Variants in PEX3 observed in about 807,000 individuals in gnomAD.
The protein encoded by PEX3 is peroxisomal biogenesis factor 3, also known as peroxin-3.
In PEX3, 30 loss-of-function variants were observed where a neutral mutation model predicts 55.8. That is an observed-to-expected ratio of 0.54 (90% CI 0.40 to 0.73). PEX3 has a LOEUF of 0.73. Among genes scored for constraint, PEX3 ranks in the 30% least tolerant of loss-of-function variants. The pLI is 0.00. For missense variants in PEX3, 351 were observed against 432.8 expected (o/e 0.81, Z 1.68); for synonymous variants, 135 against 148.4 (o/e 0.91, Z 0.66).
rs1302223258 is a variant in PEX3, at chr6:143,454,444, C to T, written c.73+3329C>T. Among the ~76,000 whole-genome samples the T allele has an allele frequency of 6.6e-6, 1 of 152,180 alleles. No homozygotes were observed. The highest frequency in any genetic ancestry group is 1.5e-5 in the Non-Finnish European group (1 of 68,036). ...TATTGACTTACTGGTTTCTGAAAAC[C>T]TCAGAACATTGACTTGGATTTATAC... is the stretch of plus-strand genomic sequence containing the variant. On this transcript the variant is annotated intron_variant, in intron 1 of 11. Coordinates refer to ENST00000367591, the MANE Select transcript of PEX3 (RefSeq NM_003630.3). The surrounding 1 kb of genome is among the most constrained non-coding windows in gnomAD (Gnocchi z 4.3).
chr6:143,470,857 A>G (rs955389335), intron 4 of PEX3, 104 bp from the exon 5 acceptor site: 5 of 866,616 alleles, frequency 5.8e-6, no homozygotes, highest in Admixed American at 4.2e-5. Context: ...AGTTGTAAAT[A>G]TGTTTTTAAA....
In PEX3 at chr6:143,466,148, C is replaced by A. The variant is rs1388084624; in HGVS notation, c.288-1974C>A. On this transcript the variant is annotated intron_variant, in intron 3 of 11. Transcript: ENST00000367591. This position sits in a 1 kb window ranked among gnomAD's most constrained non-coding sequence, Gnocchi z 5.4. ...TTGGTTAGAAGAGAAAAGTGGCTAC[C>A]ATCTGTATACAATAGTCCCATCCAC... 6.6e-6 allele frequency among the ~76,000 whole-genome samples: 1 copy of A among 152,038 alleles called. No individual in the cohort carries two copies. Among genetic ancestry groups the A allele is most frequent in the Non-Finnish European group, 1.5e-5 (1 of 67,918 alleles).
chr6:143,487,446 T>A lies in PEX3; in HGVS notation c.1039-1697T>A, dbSNP rs1780336048. ...CTCAGATTTGTCCATACACCTCACA[T>A]ACATATGTACACACATATACCACAG... On this transcript the variant is annotated intron_variant, in intron 11 of 11. Coordinates refer to ENST00000367591, the MANE Select transcript of PEX3 (RefSeq NM_003630.3). This position sits in a 1 kb window ranked among gnomAD's most constrained non-coding sequence, Gnocchi z 5.3. 6.6e-6 allele frequency among the ~76,000 whole-genome samples: 1 copy of A among 152,118 alleles called. No individual in the cohort carries two copies. The highest frequency in any genetic ancestry group is 1.5e-5 in the Non-Finnish European group (1 of 67,992).
At chr6:143,457,141 A>G (rs1287038019) in intron 1 of PEX3, among the ~76,000 whole-genome samples, 1 of 152,232 alleles carries the variant, frequency 6.6e-6, no homozygotes, top group Non-Finnish European at 1.5e-5. Flanking sequence ...TTGAGAAATA[A>G]TCATTTTACA....
chr6:143,487,848 TTAAAG>T lies in PEX3; in HGVS notation c.1039-1291_1039-1287del, dbSNP rs1157753816. Among the ~76,000 whole-genome samples the T allele has an allele frequency of 3.9e-5, 6 of 152,152 alleles. No homozygotes were observed. Among genetic ancestry groups the T allele is most frequent in the East Asian group, 1.9e-4 (1 of 5,178 alleles). On this transcript the variant is annotated intron_variant, in intron 11 of 11. Transcript: ENST00000367591. The surrounding 1 kb of genome is among the most constrained non-coding windows in gnomAD (Gnocchi z 5.3). ...TTCTTCTCTCATTAGCACAAGACAG[TTAAAG>T]TAATGTTACTTAAAGCCAATAAGAA...
rs1399999191 is a variant in PEX3 at position 143,450,978 on chromosome 6, A to G, written c.-65A>G. The G allele has an allele frequency of 1.7e-6, 2 of 1,211,908 alleles. No homozygotes were observed. The highest frequency in any genetic ancestry group is 1.2e-6 in the Non-Finnish European group (1 of 812,372). 75.1% of individuals were successfully genotyped at this position (1,211,908 alleles called of 1,614,324 possible). On this transcript the variant is annotated 5_prime_UTR_variant, in exon 1 of 12. Transcript: ENST00000367591. Reference sequence around the variant, plus strand: ...GCTGGGTCATCTGGGCCAGGTGACGAAGAAACAGTTTCCTGGTGAAGCAGT... The same window carrying G: ...GCTGGGTCATCTGGGCCAGGTGACGGAGAAACAGTTTCCTGGTGAAGCAGT...
In PEX3 at chr6:143,479,322, T is replaced by G; in HGVS notation, c.941+124T>G. On this transcript the variant is annotated intron_variant, in intron 10 of 11. Transcript: ENST00000367591. This position sits in a 1 kb window ranked among gnomAD's most constrained non-coding sequence, Gnocchi z 4.6. ...TTTGAGTGCCTCATTTTTTAACAAA[T>G]TAAACTCTGTTAAACCAACAACTTC... 1.4e-6 allele frequency: 1 copy of G among 695,310 alleles called. No individual in the cohort carries two copies. 43.1% of individuals were successfully genotyped at this position (695,310 alleles called of 1,614,324 possible).
chr6:143,472,422 TA>T (rs1407704360), intron 8 of PEX3, 94 bp downstream of exon 8: 16 of 869,650 alleles, frequency 1.8e-5, no homozygotes, highest in Non-Finnish European at 2.8e-5. Context: ...TCTTGAAAGG[TA>T]AGTGATTGAA....
In PEX3 at chr6:143,465,810, A is replaced by G. The variant is rs1779983814; in HGVS notation, c.288-2312A>G. 6.6e-6 allele frequency among the ~76,000 whole-genome samples: 1 copy of G among 152,054 alleles called. No homozygotes were observed. Among genetic ancestry groups the G allele is most frequent in the Non-Finnish European group, 1.5e-5 (1 of 67,914 alleles). ...ATCTAGGAAAGAGGTAACTGAAACT[A>G]TAGAGTCTGCTCATTGGCAAAGAAA... is the stretch of plus-strand genomic sequence containing the variant. On this transcript the variant is annotated intron_variant, in intron 3 of 11. Transcript: ENST00000367591. The surrounding 1 kb of genome is among the most constrained non-coding windows in gnomAD (Gnocchi z 4.7).
chr6:143,461,507 CAT>C (rs1779919158), intron 2 of PEX3, among the ~76,000 whole-genome samples: 1 of 151,550 alleles, frequency 6.6e-6, no homozygotes, highest in South Asian at 2.1e-4. Flanking sequence ...CAATTCATAA[CAT>C]GAGCAATGAT....
chr6:143,486,736 T>A lies in PEX3; in HGVS notation c.1038+1488T>A, dbSNP rs538264771. Among the ~76,000 whole-genome samples, 72 of 152,310 alleles carry A rather than the reference T, an allele frequency of 4.7e-4. 1 individual carries two copies. Among genetic ancestry groups the A allele is most frequent in the African/African-American group, 1.5e-3 (64 of 41,572 alleles). On this transcript the variant is annotated intron_variant, in intron 11 of 11. Coordinates refer to ENST00000367591, the MANE Select transcript of PEX3 (RefSeq NM_003630.3). The surrounding 1 kb of genome is among the most constrained non-coding windows in gnomAD (Gnocchi z 5.0). Reference sequence around the variant, plus strand: ...TTTACATAAAATTAGTCCTTTCGAATTACTGCTACTACTTCAACTACAATG... The same window carrying A: ...TTTACATAAAATTAGTCCTTTCGAAATACTGCTACTACTTCAACTACAATG...
rs764033691 is a variant in PEX3, at chr6:143,451,025, C to T, written c.-18C>T. 1.3e-6 allele frequency: 2 copies of T among 1,593,596 alleles called. No homozygotes were observed. Among genetic ancestry groups the T allele is most frequent in the Admixed American group, 3.3e-5 (2 of 59,980 alleles). Reference sequence around the variant, plus strand: ...CAGTCCCTCACCCCTAGTCAGCCCACACCCCTAGGGCCTAAAGATGCTGAG... The same window carrying T: ...CAGTCCCTCACCCCTAGTCAGCCCATACCCCTAGGGCCTAAAGATGCTGAG... On this transcript the variant is annotated 5_prime_UTR_variant, in exon 1 of 12. Transcript: ENST00000367591. This position sits in a 1 kb window ranked among gnomAD's most constrained non-coding sequence, Gnocchi z 4.1.
chr6:143,478,672 C>T (rs1343219881), intron 9 of PEX3, among the ~76,000 whole-genome samples: 1 of 152,086 alleles, frequency 6.6e-6, no homozygotes. Context: ...TTTCGTCAAG[C>T]TTCTTCATCC....
In PEX3 at chr6:143,450,908, C is replaced by A. The variant is rs563418833; in HGVS notation, c.-135C>A. ...CGGTGACAGTCTCTGCGGAAAGTCA[C>A]GTTTGTGATTTCGGGAGAGCACAGA... On this transcript the variant is annotated 5_prime_UTR_variant, in exon 1 of 12. Transcript: ENST00000367591. 2.5e-5 allele frequency: 21 copies of A among 833,732 alleles called. No homozygotes were observed. The South Asian group carries it at 2.5e-4, about 10-fold the overall frequency. The allele number at this position is 833,732 out of a possible 1,614,324, so 51.6% of individuals were successfully genotyped here. A position where few individuals can be genotyped will look rare whatever the true frequency, so the allele number is the denominator to read the frequency against.
intron 4 of PEX3, among the ~76,000 whole-genome samples, chr6:143,469,497 T>C (rs1171897696): frequency 6.6e-6 from 1 of 152,242 alleles, no homozygotes; most frequent in Admixed American, 6.5e-5. Flanking sequence ...TCTGTTCATA[T>C]CCTTTGCCCA....
rs914064033 is a variant in PEX3 at position 143,465,400 on chromosome 6, C to T, written c.287+2403C>T. ...ACTGTCTTCTCCCACCAAAATCATC[C>T]CAAATAAAATACAGTTTTTTGTTCG... On this transcript the variant is annotated intron_variant, in intron 3 of 11. Coordinates refer to ENST00000367591, the MANE Select transcript of PEX3 (RefSeq NM_003630.3). This position sits in a 1 kb window ranked among gnomAD's most constrained non-coding sequence, Gnocchi z 4.7. 2.0e-5 allele frequency among the ~76,000 whole-genome samples: 3 copies of T among 151,602 alleles called. No individual in the cohort carries two copies. The highest frequency in any genetic ancestry group is 3.0e-5 in the Non-Finnish European group (2 of 67,778).
At chr6:143,472,904 A>G (rs161067) in intron 8 of PEX3, among the ~76,000 whole-genome samples, 55,710 of 152,092 alleles carry the variant, frequency 0.37, 10,573 homozygotes, top group Admixed American at 0.46. Context: ...AAAATTATCA[A>G]CTATAGTGTT....
In PEX3 at chr6:143,483,759, TAATC is replaced by T. The variant is rs1376153892; in HGVS notation, c.942-1389_942-1386del. ...GACAAATGGATGAATGAAGACTTAT[TAATC>T]AATTCAACAAGTATGTATTGGATGT... On this transcript the variant is annotated intron_variant, in intron 10 of 11. Coordinates refer to ENST00000367591, the MANE Select transcript of PEX3 (RefSeq NM_003630.3). The surrounding 1 kb of genome is among the most constrained non-coding windows in gnomAD (Gnocchi z 4.3). Among the ~76,000 whole-genome samples, 3 of 152,086 alleles carry T rather than the reference TAATC, an allele frequency of 2.0e-5. No homozygotes were observed. Among genetic ancestry groups the T allele is most frequent in the Admixed American group, 6.6e-5 (1 of 15,240 alleles).
Position 143,486,957 on chromosome 6 carries a change from T to A in PEX3, c.1038+1709T>A, listed in dbSNP as rs938376498. Among the ~76,000 whole-genome samples the A allele has an allele frequency of 6.6e-6, 1 of 152,190 alleles. No individual in the cohort carries two copies. Among genetic ancestry groups the A allele is most frequent in the Admixed American group, 6.5e-5 (1 of 15,270 alleles). ...ATGGCTGTTTCAACAAAACTTTATA[T>A]ACAAAAACAGGCGGCAGTGGATTTG... On this transcript the variant is annotated intron_variant, in intron 11 of 11. Coordinates refer to ENST00000367591, the MANE Select transcript of PEX3 (RefSeq NM_003630.3). The surrounding 1 kb of genome is among the most constrained non-coding windows in gnomAD (Gnocchi z 5.0).
Sources: allele counts gnomAD v4.1 joint callset (sites outside exome capture counted in the v4.1 genomes callset), GRCh38; gene constraint gnomAD v4.1.1; non-coding constraint Gnocchi (gnomAD v3.1); transcripts MANE v1.5; gene names NCBI Gene and HGNC (gene_info 2026-07-23, HGNC 2026-07-21).